Variants in USP37 observed in about 807,000 individuals in gnomAD.
The protein encoded by USP37 is ubiquitin specific peptidase 37, also known as ubiquitin carboxyl-terminal hydrolase 37.
A neutral mutation model predicts 124.0 loss-of-function variants in USP37; 27 were observed. The observed-to-expected ratio is 0.22, with a 90% CI of 0.16 to 0.30. The LOEUF is 0.30. USP37 is among the 10% of genes least tolerant of loss of function. The probability of loss-of-function intolerance (pLI) is 1.00; values close to 1 mark genes in which losing one functional copy is unlikely to be tolerated. For synonymous variants in USP37, 365 were observed against 388.0 expected, an observed-to-expected ratio of 0.94 and a Z score of 0.70; for missense variants, 889 against 1,140.4, an observed-to-expected ratio of 0.78 and a Z score of 3.17.
chr2:218,459,702 T>A, intron 23 of USP37, 88 bp downstream of exon 23: 1 of 1,010,530 alleles, frequency 9.9e-7, no homozygotes, highest in East Asian at 2.5e-5. Flanking sequence ...GAACCTGCAG[T>A]GGACACTGAA....
chr2:218,525,961 T>C (rs1313117593), intron 10 of USP37, among the ~76,000 whole-genome samples: 3 of 152,192 alleles, frequency 2.0e-5, no homozygotes, highest in Admixed American at 1.3e-4. Context: ...GTTCCTGTGT[T>C]AGTTGGTTAA....
At chr2:218,563,865 CCAATGTGGTCTCGAACACATTGAGACCA>C (rs1407166479) in intron 1 of USP37, among the ~76,000 whole-genome samples, 5 of 151,952 alleles carry the variant, frequency 3.3e-5, no homozygotes, top group African/African-American at 4.8e-5. Context: ...ACCAGCCTGG[CCAATGTGGTCTCGAACACATTGAGACCA>C]CAATGTGTTC....
intron 10 of USP37, among the ~76,000 whole-genome samples, chr2:218,518,280 A>C (rs586374): frequency 0.61 from 92,031 of 151,976 alleles, 28,080 homozygotes; most frequent in East Asian, 0.78. Flanking sequence ...ATAATTTCAC[A>C]GTTTAAGGTT....
intron 14 of USP37, among the ~76,000 whole-genome samples, chr2:218,494,863 T>G (rs2105987452): frequency 6.6e-6 from 1 of 152,258 alleles, no homozygotes; most frequent in East Asian, 1.9e-4. Flanking sequence ...TGAAAAACAT[T>G]GCAAAAGGTA....
chr2:218,516,522 A>G (rs1211841184), intron 10 of USP37, among the ~76,000 whole-genome samples: 1 of 151,294 alleles, frequency 6.6e-6, no homozygotes, highest in African/African-American at 2.4e-5. Flanking sequence ...GGGGAACATC[A>G]CACATGGGGG....
chr2:218,468,195 ATAATTTTT>A (rs1179460162), intron 20 of USP37, among the ~76,000 whole-genome samples: 6 of 151,372 alleles, frequency 4.0e-5, no homozygotes, highest in Middle Eastern at 3.2e-3. Context: ...CGGCAATTTC[ATAATTTTT>A]GTATTATTAT....
At chr2:218,537,907 G>A (rs1338412385) in intron 8 of USP37, among the ~76,000 whole-genome samples, 1 of 152,202 alleles carries the variant, frequency 6.6e-6, no homozygotes, top group African/African-American at 2.4e-5. Context: ...GGAAGAGACA[G>A]AGCATCTGAC....
intron 17 of USP37, among the ~76,000 whole-genome samples, chr2:218,480,951 G>A (rs2105974081): frequency 6.6e-6 from 1 of 152,294 alleles, no homozygotes; most frequent in African/African-American, 2.4e-5. Flanking sequence ...TCTATGAGAC[G>A]TGGCTCTTTC....
At chr2:218,467,503 C>T (rs1162363912) in intron 20 of USP37, among the ~76,000 whole-genome samples, 7 of 152,168 alleles carry the variant, frequency 4.6e-5, no homozygotes, top group African/African-American at 1.4e-4. Context: ...TGCACGCCAC[C>T]ACGCCCGGCT....
intron 17 of USP37, among the ~76,000 whole-genome samples, chr2:218,480,303 C>T (rs1281220783): frequency 1.3e-5 from 2 of 148,790 alleles, no homozygotes; most frequent in Admixed American, 6.8e-5. Flanking sequence ...GGGAGGCTGA[C>T]GCAGGAGAAT....
At chr2:218,509,663 T>TAA (rs1045252113) in intron 11 of USP37, among the ~76,000 whole-genome samples, 8 of 152,134 alleles carry the variant, frequency 5.3e-5, no homozygotes, top group South Asian at 2.1e-4. Flanking sequence ...AATATATATA[T>TAA]AACCATGAAG....
chr2:218,467,979 C>T (rs1293556805), intron 20 of USP37, among the ~76,000 whole-genome samples: 1 of 151,102 alleles, frequency 6.6e-6, no homozygotes, highest in Non-Finnish European at 1.5e-5. Context: ...CCTCCACCTT[C>T]TAGGTTCAAG....
At chr2:218,558,702 C>A (rs769424346) in intron 3 of USP37, 25 bp from the exon 4 acceptor site, 2 of 1,518,930 alleles carry the variant, frequency 1.3e-6, no homozygotes, top group Non-Finnish European at 1.8e-6. Context: ...AAAAATATAC[C>A]TTTACCTGGC....
rs994015755 is a variant in USP37 at position 218,488,406 on chromosome 2, G to T, written c.1488C>A (p.Ile496=). ...GGTCATTAAACTGTTCTCTTTTGGG[G>T]ATAATCTCTCCACATCTGTAAGAAT... ...SIICKACGEI[I]PKREQFNDLS... is the part of the protein sequence containing the mutation. The change falls in exon 15 of 26, where the codon ATC becomes ATA. Residue 496 remains isoleucine (I), a synonymous_variant. Transcript: ENST00000258399. 3 of 1,604,242 alleles carry T rather than the reference G, an allele frequency of 1.9e-6. No homozygotes were observed. The highest frequency in any genetic ancestry group is 2.6e-6 in the Non-Finnish European group (3 of 1,175,824).
intron 25 of USP37, 70 bp downstream of exon 25, chr2:218,455,510 G>GAAAAA (rs55939134): frequency 8.7e-7 from 1 of 1,142,888 alleles, no homozygotes; most frequent in African/African-American, 1.7e-5. Context: ...ATCCTCAAAG[G>GAAAAA]AAAAAAAAAA....
intron 19 of USP37, 49 bp downstream of exon 19, chr2:218,476,791 T>G: frequency 6.4e-7 from 1 of 1,560,204 alleles, no homozygotes. Context: ...GTTTGGACAG[T>G]AAGAGATAAA....
At chr2:218,488,729 G>C (rs763024938) in intron 14 of USP37, among the ~76,000 whole-genome samples, 1 of 152,010 alleles carries the variant, frequency 6.6e-6, no homozygotes, top group African/African-American at 2.4e-5. Flanking sequence ...TCCGCCTCCC[G>C]GGTTCAAGCG....
At chr2:218,550,804 G>C (rs1692629960) in intron 5 of USP37, among the ~76,000 whole-genome samples, 1 of 151,798 alleles carries the variant, frequency 6.6e-6, no homozygotes, top group Non-Finnish European at 1.5e-5. Flanking sequence ...TGCAGTTTTT[G>C]TCAATTTCTC....
chr2:218,564,455 A>G (rs1257610138), intron 1 of USP37, among the ~76,000 whole-genome samples: 2 of 152,218 alleles, frequency 1.3e-5, no homozygotes, highest in Non-Finnish European at 2.9e-5. Flanking sequence ...CAGAACCTAC[A>G]TTTTTAACTA....
Sources: allele counts gnomAD v4.1 joint callset (sites outside exome capture counted in the v4.1 genomes callset), GRCh38; gene constraint gnomAD v4.1.1; transcripts MANE v1.5; gene names NCBI Gene and HGNC (gene_info 2026-07-23, HGNC 2026-07-21).